The following CCNQ variants were observed in gnomAD, a reference collection of about 807,000 sequenced individuals.
CCNQ encodes the protein cyclin Q.
Under a neutral mutation model 17.7 loss-of-function variants are expected in CCNQ, and 3 were observed. That is an observed-to-expected ratio of 0.17 (90% CI 0.08 to 0.44). The LOEUF (loss-of-function observed/expected upper bound fraction) is 0.44. CCNQ is among the 20% of genes least tolerant of loss of function. The pLI, the probability that CCNQ is intolerant of heterozygous loss-of-function variation, is 0.99. For missense variants in CCNQ, 146 were observed against 222.6 expected, an observed-to-expected ratio of 0.66 and a Z score of 2.19; for synonymous variants, 73 against 96.0, an observed-to-expected ratio of 0.76 and a Z score of 1.40.
chrX:153,598,136 C>A (rs1189527069), intron 1 of CCNQ, among the ~76,000 whole-genome samples: 2 of 111,085 alleles, frequency 1.8e-5, no homozygotes, highest in African/African-American at 3.3e-5. Context: ...TGTTGATGGG[C>A]CGGACGAGGT....
chrX:153,595,752 C>G (rs928071800), intron 2 of CCNQ, among the ~76,000 whole-genome samples: 1 of 112,853 alleles, frequency 8.9e-6, no homozygotes, highest in Non-Finnish European at 1.9e-5. Flanking sequence ...AGCCCCGCCT[C>G]TGCCCTCCAT....
chrX:153,588,278 G>A lies in CCNQ; in HGVS notation c.*87C>T, dbSNP rs1557024990. On this transcript the variant is annotated 3_prime_UTR_variant, in exon 5 of 5. Transcript: ENST00000576892. ...CCAGTCCTCCCAGCTGGTCCTGTGG[G>A]GACCAGCCGTCATGGCGACGTGGTG... The A allele has an allele frequency of 5.2e-6, 4 of 766,805 alleles. No individual in the cohort carries two copies. Among genetic ancestry groups the A allele is most frequent in the Non-Finnish European group, 8.2e-6 (4 of 489,226 alleles). 63.2% of individuals were successfully genotyped at this position (766,805 alleles called of 1,213,427 possible). A position where few individuals can be genotyped will look rare whatever the true frequency, so the allele number is the denominator to read the frequency against.
chrX:153,594,914 T>C (rs1557026682), intron 2 of CCNQ, among the ~76,000 whole-genome samples: 2 of 112,395 alleles, frequency 1.8e-5, no homozygotes, highest in African/African-American at 6.5e-5. Context: ...TTTAGCCAGA[T>C]GGGCTGTCCG....
At position 153,594,613 on chromosome X, in the gene CCNQ, G is replaced by A; in HGVS notation, c.363C>T (p.Ile121=). ...DSRFWELRDS[I]VQCELLMLRV... ...TCAGCATGAGAAGCTCACACTGCAC[G>A]ATGCTGTCCCGGAGTTCCCAGAAGC... Residue 121 remains isoleucine, a synonymous_variant, in exon 3 of 5, where the codon ATC becomes ATT. Coordinates refer to ENST00000576892, the MANE Select transcript of CCNQ (RefSeq NM_152274.5). 8.3e-7 allele frequency: 1 copy of A among 1,211,197 alleles called. No individual in the cohort carries two copies. Among genetic ancestry groups the A allele is most frequent in the Non-Finnish European group, 1.1e-6 (1 of 895,001 alleles).
chrX:153,591,864 C>T (rs1474949565), intron 4 of CCNQ, among the ~76,000 whole-genome samples: 3 of 107,780 alleles, frequency 2.8e-5, no homozygotes, highest in African/African-American at 1.0e-4. Context: ...ACTGGGGATA[C>T]GAGATTACAC....
At chrX:153,593,569 G>A (rs1412811497) in intron 3 of CCNQ, among the ~76,000 whole-genome samples, 1 of 112,074 alleles carries the variant, frequency 8.9e-6, no homozygotes, top group Non-Finnish European at 1.9e-5. Flanking sequence ...ACACTACTGC[G>A]CAGAAATCCC....
chrX:153,593,966 G>C (rs1045499538), intron 3 of CCNQ, among the ~76,000 whole-genome samples: 2 of 113,062 alleles, frequency 1.8e-5, no homozygotes, highest in African/African-American at 6.4e-5. Context: ...TGAGCTGCCC[G>C]TGCATGGAGC....
intron 1 of CCNQ, among the ~76,000 whole-genome samples, 164 bp downstream of exon 1, chrX:153,598,798 T>C (rs782563340): frequency 1.5e-4 from 17 of 112,891 alleles, no homozygotes; most frequent in African/African-American, 4.8e-4. Flanking sequence ...GGCTCACTGC[T>C]CAGCACACCG....
chrX:153,588,268 G>A lies in CCNQ; in HGVS notation c.*97C>T, dbSNP rs2090967592. The stretch of plus-strand genomic sequence containing the variant: ...AGCAGCACAACCAGTCCTCCCAGCT[G>A]GTCCTGTGGGGACCAGCCGTCATGG... On this transcript the variant is annotated 3_prime_UTR_variant, in exon 5 of 5. Coordinates refer to ENST00000576892, the MANE Select transcript of CCNQ (RefSeq NM_152274.5). 1 of 686,040 alleles carries A rather than the reference G, an allele frequency of 1.5e-6. No homozygotes were observed. The highest frequency in any genetic ancestry group is 2.4e-6 in the Non-Finnish European group (1 of 415,383). The allele number at this position is 686,040 out of a possible 1,213,427, so 56.5% of individuals were successfully genotyped here.
At chrX:153,593,965 C>T (rs1263314270) in intron 3 of CCNQ, among the ~76,000 whole-genome samples, 2 of 113,063 alleles carry the variant, frequency 1.8e-5, no homozygotes, top group Non-Finnish European at 3.7e-5. Context: ...CTGAGCTGCC[C>T]GTGCATGGAG....
intron 4 of CCNQ, among the ~76,000 whole-genome samples, chrX:153,590,973 T>A (rs891081302): frequency 3.6e-5 from 4 of 112,387 alleles, no homozygotes; most frequent in African/African-American, 1.3e-4. Flanking sequence ...CTACTGTCCC[T>A]GCTCATCTGG....
intron 4 of CCNQ, among the ~76,000 whole-genome samples, chrX:153,591,043 G>A (rs2090987719): frequency 8.9e-6 from 1 of 112,184 alleles, no homozygotes; most frequent in Non-Finnish European, 1.9e-5. Context: ...TGCTGAGCCC[G>A]TGGCAGATAA....
intron 3 of CCNQ, 52 bp downstream of exon 3, chrX:153,594,495 A>G (rs1322500179): frequency 6.7e-6 from 8 of 1,198,084 alleles, no homozygotes; most frequent in Admixed American, 6.5e-5. Flanking sequence ...GATAAAGAAC[A>G]GAGACCATGG....
At chrX:153,592,399 G>A in intron 4 of CCNQ, 107 bp downstream of exon 4, 1 of 810,433 alleles carries the variant, frequency 1.2e-6, no homozygotes, top group South Asian at 2.4e-5. Flanking sequence ...TTCCCCAGCA[G>A]CCCGTATCTT....
At chrX:153,597,186 G>A (rs1325498138) in intron 1 of CCNQ, among the ~76,000 whole-genome samples, 4 of 111,650 alleles carry the variant, frequency 3.6e-5, no homozygotes, top group African/African-American at 9.8e-5. Context: ...ACAGAAAGGC[G>A]AAGAACAACC....
intron 4 of CCNQ, among the ~76,000 whole-genome samples, chrX:153,589,817 T>C (rs192058741): frequency 8.0e-5 from 9 of 112,101 alleles, no homozygotes; most frequent in African/African-American, 2.6e-4. Context: ...TCAGGAAGCA[T>C]AGCTGTCTTA....
At chrX:153,598,744 C>T (rs1195958783) in intron 1 of CCNQ, among the ~76,000 whole-genome samples, 1 of 113,477 alleles carries the variant, frequency 8.8e-6, no homozygotes, top group African/African-American at 3.2e-5. Context: ...GCCACGTCCT[C>T]TCCTAGGGCC....
intron 4 of CCNQ, among the ~76,000 whole-genome samples, chrX:153,592,058 G>A (rs1557025903): frequency 9.1e-6 from 1 of 110,491 alleles, no homozygotes; most frequent in Non-Finnish European, 1.9e-5. Context: ...TCAATCACCC[G>A]CCACCCTGCC....
In CCNQ at chrX:153,588,423, A is replaced by G; in HGVS notation, c.689T>C (p.Ile230Thr). The change falls in exon 5 of 5, where the codon ATT becomes ACT. Residue 230 changes from isoleucine (I) to threonine (T), a missense_variant. Transcript: ENST00000576892. ...VFNDDLTKPI[I>T]DNIVSDLIQI... The stretch of plus-strand genomic sequence containing the variant: ...AATGAGATCAGACACAATATTATCA[A>G]TGATTGGCTTGGTAAGGTCGTCATT... The G allele has an allele frequency of 8.3e-7, 1 of 1,209,769 alleles. No homozygotes were observed. The highest frequency in any genetic ancestry group is 3.0e-5 in the East Asian group (1 of 33,863).
Sources: allele counts gnomAD v4.1 joint callset (sites outside exome capture counted in the v4.1 genomes callset), GRCh38; gene constraint gnomAD v4.1.1; transcripts MANE v1.5; gene names NCBI Gene and HGNC (gene_info 2026-07-23, HGNC 2026-07-21).